Variants in KLHL20 observed in about 807,000 individuals in gnomAD.
KLHL20 encodes the protein kelch-like protein 20.
Under a neutral mutation model 69.5 loss-of-function variants are expected in KLHL20, and 29 were observed. The ratio of observed to expected loss-of-function variants is 0.42; its 90% CI spans 0.31 to 0.57. The LOEUF is 0.57. Ranked by LOEUF, KLHL20 falls within the 20% of genes least tolerant of loss-of-function variation. The pLI, the probability that KLHL20 is intolerant of heterozygous loss-of-function variation, is 0.18. For synonymous variants in KLHL20, 253 were observed against 265.2 expected (o/e 0.95, Z 0.45); for missense variants, 419 against 776.0 (o/e 0.54, Z 5.47).
intron 7 of KLHL20, among the ~76,000 whole-genome samples, chr1:173,765,429 G>C (rs1031129423): frequency 1.3e-5 from 2 of 152,112 alleles, no homozygotes; most frequent in African/African-American, 4.8e-5. Context: ...CGTGAACCCG[G>C]GAGGCGGAGC....
chr1:173,748,760 G>GA (rs150091168), intron 3 of KLHL20, among the ~76,000 whole-genome samples: 9,510 of 146,820 alleles, frequency 0.065, 940 homozygotes, highest in African/African-American at 0.22. Flanking sequence ...TAAAAAATCA[G>GA]AAAAAAAAAA....
intron 8 of KLHL20, among the ~76,000 whole-genome samples, chr1:173,769,134 G>A (rs892161400): frequency 2.6e-5 from 4 of 152,158 alleles, no homozygotes; most frequent in South Asian, 2.1e-4. Flanking sequence ...ACAATTCTTT[G>A]TTGTGGGGGA....
At position 173,774,416 on chromosome 1, in the gene KLHL20, C is replaced by T. The variant is rs144711144; in HGVS notation, c.1407C>T (p.Asp469=). ...GGFLYAVGGS[D]GTSPLNTVER... ...TCTTATATGCTGTAGGTGGCTCTGA[C>T]GGGACATCTCCTCTCAACACAGGTT... Residue 469 remains aspartate (D), a synonymous_variant, in exon 9 of 12, where the codon GAC becomes GAT. Transcript: ENST00000209884. 334 of 1,614,056 alleles carry T rather than the reference C, an allele frequency of 2.1e-4. 1 individual carries two copies. The highest frequency in any genetic ancestry group is 6.0e-4 in the South Asian group (55 of 91,074).
intron 8 of KLHL20, among the ~76,000 whole-genome samples, chr1:173,771,077 A>G (rs1403560316): frequency 6.6e-6 from 1 of 152,218 alleles, no homozygotes; most frequent in African/African-American, 2.4e-5. Flanking sequence ...ATAGAATTGC[A>G]TGTTTTAGAT....
intron 5 of KLHL20, among the ~76,000 whole-genome samples, 177 bp downstream of exon 5, chr1:173,753,484 G>A (rs1298190274): frequency 1.3e-5 from 2 of 152,210 alleles, no homozygotes; most frequent in Non-Finnish European, 2.9e-5. Context: ...AGAGAGAACT[G>A]AACTTCCAGT....
At chr1:173,775,170 A>G (rs1571931647) in intron 9 of KLHL20, among the ~76,000 whole-genome samples, 5 of 152,110 alleles carry the variant, frequency 3.3e-5, no homozygotes, top group Non-Finnish European at 7.3e-5. Flanking sequence ...GATATTGTCA[A>G]TGTGACAGTC....
At chr1:173,770,371 T>C (rs1174559221) in intron 8 of KLHL20, among the ~76,000 whole-genome samples, 1 of 151,632 alleles carries the variant, frequency 6.6e-6, no homozygotes, top group East Asian at 1.9e-4. Flanking sequence ...ATAAGACAAA[T>C]AGAAGGCGAA....
chr1:173,735,935 T>C (rs1672510925), intron 3 of KLHL20, among the ~76,000 whole-genome samples: 1 of 136,230 alleles, frequency 7.3e-6, no homozygotes, highest in Admixed American at 8.5e-5. Context: ...TGCCATTCTA[T>C]CTTTTTTTTT....
At chr1:173,769,772 C>T (rs563425863) in intron 8 of KLHL20, among the ~76,000 whole-genome samples, 1 of 139,128 alleles carries the variant, frequency 7.2e-6, no homozygotes, top group East Asian at 2.1e-4. Context: ...TAGAGTGAGA[C>T]CCTGTCTCAA....
At chr1:173,755,859 ACATTG>A in intron 5 of KLHL20, 59 bp from the exon 6 acceptor site, 1 of 1,074,874 alleles carries the variant, frequency 9.3e-7, no homozygotes. Flanking sequence ...TTCCTAAACT[ACATTG>A]GGACTTAACT....
intron 1 of KLHL20, 29 bp from the exon 2 acceptor site, chr1:173,715,971 TTTA>T: frequency 6.9e-7 from 1 of 1,447,820 alleles, no homozygotes; most frequent in Non-Finnish European, 9.6e-7. Flanking sequence ...AGAAATAGCT[TTTA>T]TTAAGTTCCT....
chr1:173,778,137 A>G (rs6425258), intron 10 of KLHL20, among the ~76,000 whole-genome samples: 34,738 of 151,914 alleles, frequency 0.23, 4,438 homozygotes, highest in Middle Eastern at 0.4. Flanking sequence ...ACATAGGTCT[A>G]CATGTGCCTA....
chr1:173,785,271 A>T lies in KLHL20; in HGVS notation c.*24A>T, dbSNP rs537895015. On this transcript the variant is annotated 3_prime_UTR_variant, in exon 12 of 12. Transcript: ENST00000209884. Reference sequence around the variant, plus strand: ...GAACACAGAGAAGACAGTCTTGTATATATTCCTCTGTATTCTGGGGAGCTT... The same window carrying T: ...GAACACAGAGAAGACAGTCTTGTATTTATTCCTCTGTATTCTGGGGAGCTT... The T allele has an allele frequency of 1.8e-4, 275 of 1,539,622 alleles. 1 individual carries two copies. In the South Asian group the frequency reaches 3.1e-3, roughly 18 times the overall value.
At chr1:173,772,228 A>G (rs1648141072) in intron 8 of KLHL20, among the ~76,000 whole-genome samples, 1 of 152,244 alleles carries the variant, frequency 6.6e-6, no homozygotes, top group African/African-American at 2.4e-5. Flanking sequence ...TTCCAGGTTT[A>G]GAACAGGAAA....
intron 3 of KLHL20, among the ~76,000 whole-genome samples, chr1:173,744,247 A>G (rs1246919596): frequency 6.6e-6 from 1 of 152,134 alleles, no homozygotes; most frequent in Non-Finnish European, 1.5e-5. Context: ...AAAATAACTA[A>G]AGTTGAACAT....
intron 7 of KLHL20, among the ~76,000 whole-genome samples, chr1:173,758,233 T>G (rs1673640351): frequency 6.6e-6 from 1 of 151,234 alleles, no homozygotes; most frequent in Non-Finnish European, 1.5e-5. Context: ...ATTGCGCCAT[T>G]GCACTCTAGT....
intron 3 of KLHL20, among the ~76,000 whole-genome samples, chr1:173,751,218 C>T (rs1486804984): frequency 6.6e-6 from 1 of 152,104 alleles, no homozygotes; most frequent in African/African-American, 2.4e-5. Flanking sequence ...GTTGCCTAGC[C>T]TTGGGTAAAG....
At chr1:173,729,051 C>T (rs1212456871) in intron 2 of KLHL20, among the ~76,000 whole-genome samples, 1 of 152,088 alleles carries the variant, frequency 6.6e-6, no homozygotes, top group Non-Finnish European at 1.5e-5. Context: ...GATATCACCA[C>T]CGATCCCACA....
intron 9 of KLHL20, among the ~76,000 whole-genome samples, chr1:173,774,964 C>A (rs745875861): frequency 5.9e-5 from 9 of 152,094 alleles, no homozygotes; most frequent in Non-Finnish European, 1.3e-4. Context: ...GTGTATGCCA[C>A]CACACTTGGC....
Sources: gnomAD v4.1 joint callset for allele counts (sites outside exome capture counted in the v4.1 genomes callset) on GRCh38, gnomAD v4.1.1 for gene constraint, MANE v1.5 for transcripts, NCBI Gene and HGNC (gene_info 2026-07-23, HGNC 2026-07-21) for gene names.